Variants in ZAP70 observed in about 807,000 individuals in gnomAD.
The protein encoded by ZAP70 is zeta chain of T cell receptor associated protein kinase 70, also known as tyrosine-protein kinase ZAP-70.
A neutral mutation model predicts 65.8 loss-of-function variants in ZAP70; 27 were observed. That is an observed-to-expected ratio of 0.41 (90% CI 0.30 to 0.57). The LOEUF (loss-of-function observed/expected upper bound fraction) is 0.57, where lower values mean the gene tolerates loss of function less well. Ranked by LOEUF, ZAP70 falls within the 20% of genes least tolerant of loss-of-function variation. The pLI is 0.28. For missense variants in ZAP70, 696 were observed against 870.5 expected (o/e 0.80, Z 2.52); for synonymous variants, 363 against 360.8 (o/e 1.01, Z -0.07).
chr2:97,731,372 G>A lies in ZAP70; in HGVS notation c.564-1511G>A, dbSNP rs1450349484. 2.6e-5 allele frequency among the ~76,000 whole-genome samples: 4 copies of A among 152,202 alleles called. No homozygotes were observed. Among genetic ancestry groups the A allele is most frequent in the East Asian group, 1.9e-4 (1 of 5,166 alleles). The stretch of plus-strand genomic sequence containing the variant: ...GGGAGATGTTGACTGGTGTCACTGC[G>A]GGGTTTCACGTGACGGCGCTGCATC... On this transcript the variant is annotated intron_variant, in intron 4 of 13. Transcript: ENST00000264972. This position sits in a 1 kb window ranked among gnomAD's most constrained non-coding sequence, Gnocchi z 4.0.
the ZAP70 span, among the ~76,000 whole-genome samples, chr2:97,754,940 T>TCAAAA: frequency 1.3e-5 from 2 of 152,216 alleles, no homozygotes; most frequent in Admixed American, 6.5e-5. Context: ...TCACAAGTTG[T>TCAAAA]CAAAACAATG....
At chr2:97,752,971 G>A in the ZAP70 span, among the ~76,000 whole-genome samples, 4 of 152,136 alleles carry the variant, frequency 2.6e-5, no homozygotes, top group Non-Finnish European at 2.9e-5. Flanking sequence ...TTACTAAAGC[G>A]TATTTTTTAC....
Position 97,739,360 on chromosome 2 carries a change from C to T in ZAP70, c.1737-15C>T, listed in dbSNP as rs202133287. On this transcript the variant is annotated splice_polypyrimidine_tract_variant and intron_variant, in intron 13 of 13. Transcript: ENST00000264972. ...GGGCGTGGTCAGCAGCCTGGATGTA[C>T]CCCACGCCCCACAGGTGGGAGGATC... The T allele has an allele frequency of 1.7e-4, 269 of 1,613,058 alleles. 2 individuals are homozygous for T. The South Asian group carries it at 2.6e-3, about 15-fold the overall frequency.
At position 97,732,926 on chromosome 2, in the gene ZAP70, A is replaced by T; in HGVS notation, c.607A>T (p.Ile203Phe). 1 of 1,614,050 alleles carries T rather than the reference A, an allele frequency of 6.2e-7. No individual in the cohort carries two copies. The highest frequency in any genetic ancestry group is 8.5e-7 in the Non-Finnish European group (1 of 1,180,024). The change falls in exon 5 of 14, where the codon ATC becomes TTC. Residue 203 changes from isoleucine to phenylalanine, a missense_variant. Physicochemically the swap from Ile to Phe is conservative, Grantham distance 21. Coordinates refer to ENST00000264972, the MANE Select transcript of ZAP70 (RefSeq NM_001079.4). ...GCAGGGCACATACGCCCTGTCCCTC[A>T]TCTATGGGAAGACGGTGTACCACTA... ...KEQGTYALSL[I>F]YGKTVYHYLI...
downstream of ZAP70, among the ~76,000 whole-genome samples, chr2:97,742,855 C>T (rs1347462975): frequency 6.6e-6 from 1 of 152,180 alleles, no homozygotes; most frequent in East Asian, 1.9e-4. Flanking sequence ...TATCCCAAGG[C>T]CAATATGTAA....
intron 3 of ZAP70, 199 bp downstream of exon 3, chr2:97,724,637 TC>T (rs896757271): frequency 6.5e-7 from 1 of 1,532,356 alleles, no homozygotes; most frequent in African/African-American, 1.4e-5. Context: ...GCGGTCGCCT[TC>T]CGCAGGCTGA....
At chr2:97,746,634 TTGA>T in the ZAP70 span, among the ~76,000 whole-genome samples, 2 of 152,206 alleles carry the variant, frequency 1.3e-5, no homozygotes, top group African/African-American at 4.8e-5. Flanking sequence ...ATTTCTGTTG[TTGA>T]TGAATTACCC....
rs978772124 is a variant in ZAP70 at position 97,738,502 on chromosome 2, C to T, written c.1736+395C>T. 17 of 306,130 alleles carry T rather than the reference C, an allele frequency of 5.6e-5. No homozygotes were observed. The East Asian group carries it at 1.2e-3, about 21-fold the overall frequency. The allele number at this position is 306,130 out of a possible 1,614,324, so 19.0% of individuals were successfully genotyped here. On this transcript the variant is annotated intron_variant, in intron 13 of 13. Transcript: ENST00000264972. ...CCAGCCAGCACACAGCACCCAACTACCAGACAGGTGAGCACTGAGGTACCA... is the reference window on the plus strand; with the variant it reads ...CCAGCCAGCACACAGCACCCAACTATCAGACAGGTGAGCACTGAGGTACCA...
In ZAP70 at chr2:97,733,617, C is replaced by T. The variant is rs201810987; in HGVS notation, c.889+22C>T. ...CCAGGTGAGCGGGCAGAGGTGGGGA[C>T]GCGGGTTGGGGCTCATGCTGAGCCG... On this transcript the variant is annotated intron_variant, in intron 8 of 13. Coordinates refer to ENST00000264972, the MANE Select transcript of ZAP70 (RefSeq NM_001079.4). 3.0e-5 allele frequency: 49 copies of T among 1,613,048 alleles called. No individual in the cohort carries two copies. In the Admixed American group the frequency reaches 6.5e-4, roughly 21 times the overall value.
At position 97,737,473 on chromosome 2, in the gene ZAP70, G is replaced by A; in HGVS notation, c.1290G>A (p.Arg430=). The A allele has an allele frequency of 6.2e-7, 1 of 1,614,082 alleles. No homozygotes were observed. The highest frequency in any genetic ancestry group is 1.3e-5 in the African/African-American group (1 of 75,034). The part of the protein sequence containing the change: ...GPLHKFLVGK[R]EEIPVSNVAE... ...GACCCCGCCTTCCCCGCCACCCCAG[G>A]GAGGAGATCCCTGTGAGCAATGTGG... is the stretch of plus-strand genomic sequence containing the variant. The change falls in exon 11 of 14, where the codon AGG becomes AGA. Residue 430 remains arginine (R), a splice_region_variant and synonymous_variant. Coordinates refer to ENST00000264972, the MANE Select transcript of ZAP70 (RefSeq NM_001079.4). The surrounding 1 kb of genome is among the most constrained non-coding windows in gnomAD (Gnocchi z 5.0).
the ZAP70 span, among the ~76,000 whole-genome samples, chr2:97,746,569 G>A: frequency 3.9e-4 from 59 of 152,286 alleles, no homozygotes; most frequent in African/African-American, 1.3e-3. Flanking sequence ...TGACACACCC[G>A]GACAGGAGTG....
chr2:97,752,495 A>G, the ZAP70 span, among the ~76,000 whole-genome samples: 1 of 152,230 alleles, frequency 6.6e-6, no homozygotes, highest in Admixed American at 6.5e-5. Context: ...TTGTTCTGAC[A>G]CTAATAGCAG....
rs1258924887 is a variant in ZAP70 at position 97,736,036 on chromosome 2, G to C, written c.1289+580G>C. Among the ~76,000 whole-genome samples the C allele has an allele frequency of 6.6e-6, 1 of 152,074 alleles. No individual in the cohort carries two copies. The highest frequency in any genetic ancestry group is 6.5e-5 in the Admixed American group (1 of 15,268). ...AAATAAATAAATAAAAATAAATAAA[G>C]GGCACTGCTAGTAAGAGCTTTGTAC... On this transcript the variant is annotated intron_variant, in intron 10 of 13. Transcript: ENST00000264972. This position sits in a 1 kb window ranked among gnomAD's most constrained non-coding sequence, Gnocchi z 4.0.
At chr2:97,748,056 G>C in the ZAP70 span, among the ~76,000 whole-genome samples, 4 of 151,986 alleles carry the variant, frequency 2.6e-5, no homozygotes, top group African/African-American at 9.7e-5. Context: ...CCAAGTAACG[G>C]GTGGCCTGTA....
the ZAP70 span, among the ~76,000 whole-genome samples, chr2:97,749,125 T>A: frequency 6.7e-6 from 1 of 148,270 alleles, no homozygotes; most frequent in South Asian, 2.2e-4. Flanking sequence ...TTCTCCTGCC[T>A]CAGCCTCCCG....
At chr2:97,739,861 T>G (rs199533624), downstream of ZAP70, 2 of 287,750 alleles carry the variant, frequency 7.0e-6, no homozygotes, top group African/African-American at 4.3e-5. Context: ...TTCCCTCTTG[T>G]CTGAGCGCCC....
In ZAP70 at chr2:97,737,358, GT is replaced by G; in HGVS notation, c.1290-110del. ...GGCACACAGCAGGTGCTCAATAAGC[GT>G]TTTTGAACACATGGTCACCTGGCTC... On this transcript the variant is annotated intron_variant, in intron 10 of 13. Transcript: ENST00000264972. This position sits in a 1 kb window ranked among gnomAD's most constrained non-coding sequence, Gnocchi z 5.0. 8.8e-7 allele frequency: 1 copy of G among 1,141,280 alleles called. No individual in the cohort carries two copies. Among genetic ancestry groups the G allele is most frequent in the Non-Finnish European group, 1.3e-6 (1 of 770,386 alleles). 70.7% of individuals were successfully genotyped at this position (1,141,280 alleles called of 1,614,324 possible). A position where few individuals can be genotyped will look rare whatever the true frequency, so the allele number is the denominator to read the frequency against.
At chr2:97,717,453 G>T (rs539372469) in intron 2 of ZAP70, among the ~76,000 whole-genome samples, 9 of 149,358 alleles carry the variant, frequency 6.0e-5, no homozygotes, top group African/African-American at 2.2e-4. Flanking sequence ...CTGGCTGGGG[G>T]GACACGAGGA....
At chr2:97,732,807 G>A (rs746074606) in intron 4 of ZAP70, 76 bp from the exon 5 acceptor site, 21 of 1,597,314 alleles carry the variant, frequency 1.3e-5, no homozygotes, top group Non-Finnish European at 1.6e-5. Context: ...CATAGGGTGT[G>A]TTGCGGGGGA....
Sources: allele counts gnomAD v4.1 joint callset (sites outside exome capture counted in the v4.1 genomes callset), GRCh38; gene constraint gnomAD v4.1.1; non-coding constraint Gnocchi (gnomAD v3.1); transcripts MANE v1.5; gene names NCBI Gene and HGNC (gene_info 2026-07-23, HGNC 2026-07-21).